Variants in STX5 observed in about 807,000 individuals in gnomAD.
STX5 encodes the protein syntaxin-5.
In STX5, 15 loss-of-function variants were observed where a neutral mutation model predicts 42.9. The observed-to-expected ratio is 0.35, with a 90% confidence interval of 0.23 to 0.54. STX5 has a LOEUF of 0.54. Among genes scored for constraint, STX5 ranks in the 20% least tolerant of loss-of-function variants. The probability of loss-of-function intolerance (pLI) is 0.91; values close to 1 mark genes in which losing one functional copy is unlikely to be tolerated. For synonymous variants in STX5, 184 were observed against 173.2 expected, an observed-to-expected ratio of 1.06 and a Z score of -0.49; for missense variants, 430 against 455.0, an observed-to-expected ratio of 0.95 and a Z score of 0.50.
intron 10 of STX5, among the ~76,000 whole-genome samples, chr11:62,809,842 G>A (rs1389561562): frequency 6.6e-6 from 1 of 151,788 alleles, no homozygotes; most frequent in African/African-American, 2.4e-5. Context: ...GGTGGCTCAC[G>A]CCGATAATCC....
At position 62,831,072 on chromosome 11, in the gene STX5, G is replaced by C. The variant is rs991809985; in HGVS notation, c.172C>G (p.Arg58Gly). The part of the protein sequence containing the change: ...VPPPPDTMSC[R>G]DRTQEFLSAC... ...GACAGAAACTCCTGGGTCCGATCCCGGCAGGACATGGTGTCGGGAGGGGGA... is the reference window on the plus strand; with the variant it reads ...GACAGAAACTCCTGGGTCCGATCCCCGCAGGACATGGTGTCGGGAGGGGGA... Residue 58 changes from arginine to glycine, a missense_variant, in exon 2 of 11, where the codon CGG becomes GGG. Coordinates refer to ENST00000294179, the MANE Select transcript of STX5 (RefSeq NM_003164.5). 2 of 1,556,236 alleles carry C rather than the reference G, an allele frequency of 1.3e-6. No homozygotes were observed. The highest frequency in any genetic ancestry group is 1.7e-6 in the Non-Finnish European group (2 of 1,150,368).
At chr11:62,831,295 C>T (rs1351044479) in intron 1 of STX5, 33 bp from the exon 2 acceptor site, 1 of 1,467,984 alleles carries the variant, frequency 6.8e-7, no homozygotes, top group Non-Finnish European at 9.3e-7. Flanking sequence ...ATTCCCCAGG[C>T]AACTTCTTTA....
intron 2 of STX5, 95 bp downstream of exon 2, chr11:62,830,924 C>T: frequency 1.7e-6 from 2 of 1,149,428 alleles, no homozygotes; most frequent in South Asian, 1.3e-5. Flanking sequence ...CCATCAGGTA[C>T]CCCCCAAAAT....
intron 10 of STX5, among the ~76,000 whole-genome samples, chr11:62,811,685 G>T (rs2084618774): frequency 6.6e-6 from 1 of 151,202 alleles, no homozygotes. Context: ...ATAGACACGG[G>T]GTCTCTGTGT....
rs1449076276 is a variant in STX5, at chr11:62,825,408, C to T, written c.540+15G>A. 1 of 1,614,060 alleles carries T rather than the reference C, an allele frequency of 6.2e-7. No homozygotes were observed. The highest frequency in any genetic ancestry group is 8.5e-7 in the Non-Finnish European group (1 of 1,180,024). On this transcript the variant is annotated intron_variant, in intron 6 of 10. Coordinates refer to ENST00000294179, the MANE Select transcript of STX5 (RefSeq NM_003164.5). ...TCTTCCTCTTTGCCTCCCTCCCTTC[C>T]TCCCCAGGTCCCACCTGCAAGGAGA...
intron 10 of STX5, among the ~76,000 whole-genome samples, chr11:62,811,846 C>T (rs2084620386): frequency 6.6e-6 from 1 of 152,028 alleles, no homozygotes; most frequent in South Asian, 2.1e-4. Context: ...TATGTCTCTC[C>T]TACTAGTGAG....
intron 5 of STX5, 147 bp downstream of exon 5, chr11:62,827,008 C>T (rs983680522): frequency 2.9e-6 from 2 of 680,602 alleles, no homozygotes; most frequent in East Asian, 2.7e-5. Context: ...CTAGGTCACA[C>T]CACTACACTC....
intron 10 of STX5, among the ~76,000 whole-genome samples, chr11:62,811,387 C>T (rs998371932): frequency 6.6e-6 from 1 of 152,200 alleles, no homozygotes; most frequent in Admixed American, 6.5e-5. Flanking sequence ...TTCTTATGTT[C>T]TCTCCCTGAC....
intron 10 of STX5, among the ~76,000 whole-genome samples, chr11:62,820,663 C>G (rs2084730966): frequency 1.3e-5 from 2 of 151,616 alleles, no homozygotes; most frequent in Admixed American, 6.6e-5. Flanking sequence ...TACCCACTAC[C>G]ACGCCCGGCT....
intron 10 of STX5, chr11:62,807,856 T>C: frequency 1.4e-6 from 1 of 720,256 alleles, no homozygotes; most frequent in Admixed American, 3.2e-5. Context: ...AACTTCAAGC[T>C]TCATTTTCCT....
rs182934842 is a variant in STX5 at position 62,807,319 on chromosome 11, G to A, written c.*150C>T. 120 of 1,259,122 alleles carry A rather than the reference G, an allele frequency of 9.5e-5. No homozygotes were observed. The African/African-American group carries it at 1.6e-3, about 17-fold the overall frequency. The allele number at this position is 1,259,122 out of a possible 1,614,324, so 78.0% of individuals were successfully genotyped here. A position where few individuals can be genotyped will look rare whatever the true frequency, so the allele number is the denominator to read the frequency against. On this transcript the variant is annotated 3_prime_UTR_variant, in exon 11 of 11. Transcript: ENST00000294179. ...GACAGGGTGGCCAGAGGCAAGGGGT[G>A]GGGGATCAGGGGCAGTGGTCATTCT...
rs1277850618 is a variant in STX5, at chr11:62,827,411, A to G, written c.297-13T>C. On this transcript the variant is annotated splice_polypyrimidine_tract_variant and intron_variant, in intron 3 of 10. Coordinates refer to ENST00000294179, the MANE Select transcript of STX5 (RefSeq NM_003164.5). ...TTTCCCAATGCGCCTGCAAATGACC[A>G]CTAGTCAGACTGTGGGAAAGGGCAG... is the stretch of plus-strand genomic sequence containing the variant. The G allele has an allele frequency of 6.2e-7, 1 of 1,614,052 alleles. No individual in the cohort carries two copies. Among genetic ancestry groups the G allele is most frequent in the Non-Finnish European group, 8.5e-7 (1 of 1,180,038 alleles).
chr11:62,821,911 AG>A (rs749802439), intron 10 of STX5, among the ~76,000 whole-genome samples: 5 of 152,080 alleles, frequency 3.3e-5, no homozygotes, highest in Non-Finnish European at 7.4e-5. Context: ...TTGCAGTCCC[AG>A]CTACTCAGGA....
At chr11:62,822,278 A>G (rs750282161) in intron 10 of STX5, among the ~76,000 whole-genome samples, 12 of 151,868 alleles carry the variant, frequency 7.9e-5, no homozygotes, top group Non-Finnish European at 7.4e-5. Context: ...CATGAGAATC[A>G]CTTGAACCTA....
intron 10 of STX5, among the ~76,000 whole-genome samples, chr11:62,810,960 T>C (rs1015360728): frequency 5.9e-5 from 9 of 152,216 alleles, no homozygotes; most frequent in Non-Finnish European, 1.0e-4. Flanking sequence ...CCCTCCTGAC[T>C]CAAACACATC....
At chr11:62,818,886 G>A (rs1054321311) in intron 10 of STX5, among the ~76,000 whole-genome samples, 3 of 151,304 alleles carry the variant, frequency 2.0e-5, no homozygotes, top group Non-Finnish European at 2.9e-5. Flanking sequence ...AAAAACAACT[G>A]TATATCCAGA....
intron 10 of STX5, among the ~76,000 whole-genome samples, chr11:62,810,570 A>G (rs2134806909): frequency 6.6e-6 from 1 of 152,348 alleles, no homozygotes; most frequent in East Asian, 1.9e-4. Context: ...GTGAAAAGGA[A>G]AATGACTGAG....
At position 62,807,504 on chromosome 11, in the gene STX5, C is replaced by A. The variant is rs748834435; in HGVS notation, c.1033G>T (p.Val345Phe). The change falls in exon 11 of 11, where the codon GTC (valine) becomes TTC (phenylalanine). Residue 345 changes from valine (V) to phenylalanine (F), a missense_variant. Physicochemically the swap from Val to Phe is conservative, Grantham distance 50. Coordinates refer to ENST00000294179, the MANE Select transcript of STX5 (RefSeq NM_003164.5). The stretch of plus-strand genomic sequence containing the variant: ...AAGACCACAAAGATGATGAAGAAGA[C>A]AATGAGGATGAGGAAGATTTTGACC... Reference protein sequence around the residue: ...LMVKIFLILIVFFIIFVVFLA With the variant: ...LMVKIFLILIFFFIIFVVFLA The A allele has an allele frequency of 3.1e-6, 5 of 1,614,076 alleles. No individual in the cohort carries two copies. Among genetic ancestry groups the A allele is most frequent in the Non-Finnish European group, 4.2e-6 (5 of 1,180,016 alleles).
At position 62,817,902 on chromosome 11, in the gene STX5, AC is replaced by A. The variant is rs537011719; in HGVS notation, c.908+6263del. 2.2e-4 allele frequency among the ~76,000 whole-genome samples: 33 copies of A among 152,242 alleles called. 1 individual carries two copies. The highest frequency in any genetic ancestry group is 3.8e-4 in the Non-Finnish European group (26 of 68,032). On this transcript the variant is annotated intron_variant, in intron 10 of 10. Coordinates refer to ENST00000294179, the MANE Select transcript of STX5 (RefSeq NM_003164.5). ...ATGTATATATTTCCAGATGGTAAGG[AC>A]AGAAAGAGGCAGAAAAATGTTTAAA...
Sources: gnomAD v4.1 joint callset for allele counts (sites outside exome capture counted in the v4.1 genomes callset) on GRCh38, gnomAD v4.1.1 for gene constraint, MANE v1.5 for transcripts, NCBI Gene and HGNC (gene_info 2026-07-23, HGNC 2026-07-21) for gene names.